ADAMTS12: variants seen among roughly 807,000 people sequenced by gnomAD.
ADAMTS12 encodes the protein A disintegrin and metalloproteinase with thrombospondin motifs 12.
Under a neutral mutation model 167.8 loss-of-function variants are expected in ADAMTS12, and 118 were observed. The observed-to-expected ratio is 0.70, with a 90% confidence interval of 0.61 to 0.82. The LOEUF (loss-of-function observed/expected upper bound fraction) is 0.82. ADAMTS12 is among the 40% of genes least tolerant of loss of function. ADAMTS12 has a pLI of 0.00. For synonymous variants in ADAMTS12, 704 were observed against 716.9 expected (o/e 0.98, Z 0.29); for missense variants, 1,916 against 1,998.8 (o/e 0.96, Z 0.79).
At chr5:33,626,475 T>A (rs1435460997) in intron 13 of ADAMTS12, among the ~76,000 whole-genome samples, 2 of 149,262 alleles carry the variant, frequency 1.3e-5, no homozygotes, top group African/African-American at 5.0e-5. Flanking sequence ...GTGGTGGTGA[T>A]GTGGTAGTGG....
intron 2 of ADAMTS12, among the ~76,000 whole-genome samples, chr5:33,860,991 T>C (rs1028445185): frequency 4.6e-5 from 7 of 152,174 alleles, no homozygotes; most frequent in African/African-American, 1.7e-4. Flanking sequence ...CTGAGAGATT[T>C]TGTCACCACC....
At chr5:33,773,262 C>A (rs747142791) in intron 2 of ADAMTS12, among the ~76,000 whole-genome samples, 15 of 152,126 alleles carry the variant, frequency 9.9e-5, no homozygotes, top group Non-Finnish European at 4.4e-5. Flanking sequence ...GACACTTAGG[C>A]CATGTTCTTG....
At chr5:33,718,328 A>G (rs1310766332) in intron 3 of ADAMTS12, among the ~76,000 whole-genome samples, 1 of 152,174 alleles carries the variant, frequency 6.6e-6, no homozygotes, top group Non-Finnish European at 1.5e-5. Flanking sequence ...ATGGACCAGA[A>G]TGGTCCATGG....
chr5:33,683,184 A>C, intron 4 of ADAMTS12, 83 bp from the exon 5 acceptor site: 1 of 1,092,660 alleles, frequency 9.2e-7, no homozygotes, highest in Non-Finnish European at 1.3e-6. Flanking sequence ...ATTGTAATGC[A>C]CATAAAATAA....
chr5:33,530,555 C>T (rs1283023065), intron 23 of ADAMTS12, among the ~76,000 whole-genome samples: 2 of 152,224 alleles, frequency 1.3e-5, no homozygotes. Flanking sequence ...CTTTGCCCCA[C>T]AATCTCGTCG....
chr5:33,656,312 A>C (rs1741060358), intron 7 of ADAMTS12, among the ~76,000 whole-genome samples: 1 of 152,164 alleles, frequency 6.6e-6, no homozygotes, highest in Non-Finnish European at 1.5e-5. Flanking sequence ...GTGCCCAAGT[A>C]ATGTTACCAT....
chr5:33,752,927 G>C (rs1276041507), intron 2 of ADAMTS12, among the ~76,000 whole-genome samples: 1 of 152,222 alleles, frequency 6.6e-6, no homozygotes, highest in Non-Finnish European at 1.5e-5. Context: ...ACTGTAGCCA[G>C]TAATGTAACA....
intron 22 of ADAMTS12, among the ~76,000 whole-genome samples, chr5:33,544,730 T>C (rs1456128764): frequency 6.6e-6 from 1 of 152,186 alleles, no homozygotes; most frequent in African/African-American, 2.4e-5. Flanking sequence ...CATCTGATCT[T>C]TGACAAACCC....
chr5:33,870,817 C>T (rs2331284), intron 2 of ADAMTS12, among the ~76,000 whole-genome samples: 3,251 of 152,250 alleles, frequency 0.021, 113 homozygotes, highest in African/African-American at 0.074. Context: ...CCTACCCCTT[C>T]GCTTTCTCTT....
intron 20 of ADAMTS12, among the ~76,000 whole-genome samples, chr5:33,555,410 C>A (rs1318359916): frequency 1.3e-5 from 2 of 152,066 alleles, no homozygotes; most frequent in Non-Finnish European, 2.9e-5. Context: ...CCAAGCCGGG[C>A]TAAGTTTTTT....
chr5:33,860,494 C>T (rs1749569095), intron 2 of ADAMTS12, among the ~76,000 whole-genome samples: 1 of 152,022 alleles, frequency 6.6e-6, no homozygotes, highest in African/African-American at 2.4e-5. Context: ...AACAAAGCCT[C>T]CAAGAAATAT....
chr5:33,598,468 A>T (rs1279115209), intron 16 of ADAMTS12, among the ~76,000 whole-genome samples: 1 of 152,186 alleles, frequency 6.6e-6, no homozygotes, highest in Non-Finnish European at 1.5e-5. Flanking sequence ...TTCCTTCTAC[A>T]CATCACTGGG....
intron 5 of ADAMTS12, among the ~76,000 whole-genome samples, 173 bp downstream of exon 5, chr5:33,682,845 G>C (rs76984535): frequency 2.6e-5 from 4 of 151,832 alleles, no homozygotes; most frequent in African/African-American, 9.7e-5. Context: ...TCCACATCCC[G>C]CTCAGTATCA....
intron 13 of ADAMTS12, among the ~76,000 whole-genome samples, chr5:33,626,644 T>C (rs1420791244): frequency 7.0e-6 from 1 of 143,334 alleles, no homozygotes; most frequent in Non-Finnish European, 1.5e-5. Flanking sequence ...TTGATGATGG[T>C]GTTGGTGGTG....
chr5:33,624,396 C>A, intron 13 of ADAMTS12, 45 bp from the exon 14 acceptor site: 2 of 1,611,140 alleles, frequency 1.2e-6, no homozygotes, highest in Non-Finnish European at 1.7e-6. Context: ...GCAGGGGATG[C>A]CACTCTTGCC....
chr5:33,643,310 T>C, intron 10 of ADAMTS12, 68 bp downstream of exon 10: 1 of 1,533,336 alleles, frequency 6.5e-7, no homozygotes, highest in Non-Finnish European at 9.0e-7. Context: ...TCTAGGGCCT[T>C]CTCCTCAGCT....
chr5:33,660,308 T>C (rs1296560197), intron 6 of ADAMTS12, among the ~76,000 whole-genome samples: 3 of 152,222 alleles, frequency 2.0e-5, no homozygotes, highest in African/African-American at 4.8e-5. Flanking sequence ...GTCCCAATTG[T>C]ACCCGTTAAC....
At chr5:33,849,366 A>T (rs1349179250) in intron 2 of ADAMTS12, among the ~76,000 whole-genome samples, 4 of 115,716 alleles carry the variant, frequency 3.5e-5, no homozygotes, top group African/African-American at 1.0e-4. Flanking sequence ...ATTGAATAGC[A>T]ATATATATAT....
intron 3 of ADAMTS12, among the ~76,000 whole-genome samples, chr5:33,730,072 G>T (rs1318140064): frequency 1.2e-4 from 19 of 152,192 alleles, no homozygotes. Flanking sequence ...CTTCCACCCT[G>T]AGGCTCTTGA....
Sources: allele counts gnomAD v4.1 joint callset (sites outside exome capture counted in the v4.1 genomes callset), GRCh38; gene constraint gnomAD v4.1.1; transcripts MANE v1.5; gene names NCBI Gene and HGNC (gene_info 2026-07-23, HGNC 2026-07-21).